The following ZIK1 variants were observed in gnomAD, a reference collection of about 807,000 sequenced individuals.
ZIK1 encodes the protein zinc finger protein interacting with ribonucleoprotein K.
A neutral mutation model predicts 10.7 loss-of-function variants in ZIK1; 12 were observed. That is an observed-to-expected ratio of 1.12 (90% CI 0.72 to 1.81). The LOEUF is 1.81. ZIK1 is among the 40% of genes most tolerant of loss of function. ZIK1 has a pLI of 0.00. For missense variants in ZIK1, 497 were observed against 585.7 expected (o/e 0.85, Z 1.56); for synonymous variants, 190 against 205.0 (o/e 0.93, Z 0.63).
At chr19:57,585,883 ATT>A (rs59607792) in intron 2 of ZIK1, among the ~76,000 whole-genome samples, 6 of 130,096 alleles carry the variant, frequency 4.6e-5, no homozygotes, top group Admixed American at 7.6e-5. Flanking sequence ...TGCCCAGCGA[ATT>A]TTTTTTTTTT....
rs1216411893 is a variant in ZIK1, at chr19:57,588,576, C to T, written c.110C>T (p.Ser37Leu). The change falls in exon 3 of 4, where the codon TCA becomes TTA. Residue 37 changes from serine (S) to leucine (L), a missense_variant. By Grantham distance (145) the Ser-to-Leu change is moderately radical. Coordinates refer to ENST00000597850, the MANE Select transcript of ZIK1 (RefSeq NM_001010879.4). ...TTTGAGGACATCGCCATTTACTTCT[C>T]ACAGGACGAGTGGGGACTTCTTGAT... ...VTFEDIAIYFSQDEWGLLDEA... is the reference protein window; with the variant it reads ...VTFEDIAIYFLQDEWGLLDEA... 4 of 1,579,154 alleles carry T rather than the reference C, an allele frequency of 2.5e-6. No homozygotes were observed. The African/African-American group carries it at 5.4e-5, about 21-fold the overall frequency.
At position 57,591,364 on chromosome 19, in the gene ZIK1, C is replaced by G. The variant is rs551544088; in HGVS notation, c.*89C>G. ...CTGAAAGTCCACACTTAAGTAGAGCCTTAGACCTACAGGGAAAGTGCTGTC... is the reference window on the plus strand; with the variant it reads ...CTGAAAGTCCACACTTAAGTAGAGCGTTAGACCTACAGGGAAAGTGCTGTC... On this transcript the variant is annotated 3_prime_UTR_variant, in exon 4 of 4. Transcript: ENST00000597850. The G allele has an allele frequency of 7.6e-7, 1 of 1,317,188 alleles. No homozygotes were observed. Among genetic ancestry groups the G allele is most frequent in the East Asian group, 2.4e-5 (1 of 42,376 alleles). 81.6% of individuals were successfully genotyped at this position (1,317,188 alleles called of 1,614,324 possible). A position where few individuals can be genotyped will look rare whatever the true frequency, so the allele number is the denominator to read the frequency against.
rs138510044 is a variant in ZIK1 at position 57,590,681 on chromosome 19, C to T, written c.870C>T (p.Thr290=). The T allele has an allele frequency of 3.1e-4, 505 of 1,613,870 alleles. 2 individuals carry two copies. In the East Asian group the frequency reaches 4.2e-3, roughly 13 times the overall value. Residue 290 remains threonine, a synonymous_variant, in exon 4 of 4, where the codon ACC becomes ACT. Coordinates refer to ENST00000597850, the MANE Select transcript of ZIK1 (RefSeq NM_001010879.4). Reference sequence around the variant, plus strand: ...TGAATGATCATCGGAGAATCCACACCGGAGAAAGGCCTTATGAGTGCAGCG... The same window carrying T: ...TGAATGATCATCGGAGAATCCACACTGGAGAAAGGCCTTATGAGTGCAGCG... ...SHLNDHRRIH[T]GERPYECSEC...
Position 57,590,174 on chromosome 19 carries a change from G to GAAACCATACTTGGTTGGAGAATGTAC in ZIK1, c.371_396dup (p.His133ThrfsTer22), listed in dbSNP as rs1979531169. 1 of 1,614,060 alleles carries GAAACCATACTTGGTTGGAGAATGTAC rather than the reference G, an allele frequency of 6.2e-7. No homozygotes were observed. Among genetic ancestry groups the GAAACCATACTTGGTTGGAGAATGTAC allele is most frequent in the South Asian group, 1.1e-5 (1 of 91,088 alleles). On this transcript the variant is annotated frameshift_variant, in exon 4 of 4. Transcript: ENST00000597850. LOFTEE classifies it low-confidence loss of function (END_TRUNC). Reference sequence around the variant, plus strand: ...TGCATCTAGCTGATCTCCCTGGGCAGAAACCATACTTGGTTGGAGAATGTA... The same window carrying GAAACCATACTTGGTTGGAGAATGTAC: ...TGCATCTAGCTGATCTCCCTGGGCAGAAACCATACTTGGTTGGAGAATGTACAAACCATACTTGGTTGGAGAATGTA...
At chr19:57,588,802 T>C in intron 3 of ZIK1, 137 bp downstream of exon 3, 1 of 973,604 alleles carries the variant, frequency 1.0e-6, no homozygotes, top group East Asian at 3.2e-5. Context: ...TGCCCAGTGG[T>C]CTGGGAACAC....
At position 57,593,003 on chromosome 19, in the gene ZIK1, A is replaced by C. The variant is rs1374737946; in HGVS notation, c.*1728A>C. The C allele has an allele frequency of 1.3e-5, 2 of 151,304 alleles. No homozygotes were observed. Among genetic ancestry groups the C allele is most frequent in the Non-Finnish European group, 2.9e-5 (2 of 67,918 alleles). The allele number at this position is 151,304 out of a possible 1,614,324, so 9.4% of individuals were successfully genotyped here. Reference sequence around the variant, plus strand: ...TTGTGTTTTCTAGGATTTTATGTGAATTGAAACGTAAAATACTTACTCCAT... The same window carrying C: ...TTGTGTTTTCTAGGATTTTATGTGACTTGAAACGTAAAATACTTACTCCAT... On this transcript the variant is annotated 3_prime_UTR_variant, in exon 4 of 4. Coordinates refer to ENST00000597850, the MANE Select transcript of ZIK1 (RefSeq NM_001010879.4).
chr19:57,587,326 T>A (rs146883531), intron 2 of ZIK1, among the ~76,000 whole-genome samples: 125 of 152,238 alleles, frequency 8.2e-4, no homozygotes, highest in African/African-American at 2.9e-3. Context: ...AAATAATTGG[T>A]AGAAGATGAC....
In ZIK1 at chr19:57,585,792, T is replaced by C. The variant is rs1394282957; in HGVS notation, c.72+802T>C. 2.6e-5 allele frequency among the ~76,000 whole-genome samples: 4 copies of C among 151,980 alleles called. No homozygotes were observed. The East Asian group carries it at 7.7e-4, about 29-fold the overall frequency. On this transcript the variant is annotated intron_variant, in intron 2 of 3. Transcript: ENST00000597850. Reference sequence around the variant, plus strand: ...GGCTCGATCTTGGCTCTTTGCAACCTCCACCTCCCGGGTTCAAGCAATCCT... The same window carrying C: ...GGCTCGATCTTGGCTCTTTGCAACCCCCACCTCCCGGGTTCAAGCAATCCT...
chr19:57,586,539 G>T (rs1242188137), intron 2 of ZIK1, among the ~76,000 whole-genome samples: 1 of 152,080 alleles, frequency 6.6e-6, no homozygotes, highest in Non-Finnish European at 1.5e-5. Flanking sequence ...CTCCAGCCTG[G>T]GTGACAGAGT....
rs1979690948 is a variant in ZIK1, at chr19:57,591,420, G to A, written c.*145G>A. On this transcript the variant is annotated 3_prime_UTR_variant, in exon 4 of 4. Transcript: ENST00000597850. ...AGTATTGTAGCAGTAGAGAGCCTTT[G>A]TGAGGGAGCCATCTGCCTGAAGTTG... The A allele has an allele frequency of 5.0e-6, 4 of 796,388 alleles. No individual in the cohort carries two copies. The highest frequency in any genetic ancestry group is 2.7e-5 in the East Asian group (1 of 37,370). The allele number at this position is 796,388 out of a possible 1,614,324, so 49.3% of individuals were successfully genotyped here. A position where few individuals can be genotyped will look rare whatever the true frequency, so the allele number is the denominator to read the frequency against.
At chr19:57,584,578 A>T (rs1978958915) in intron 1 of ZIK1, 189 bp downstream of exon 1, 1 of 1,405,404 alleles carries the variant, frequency 7.1e-7, no homozygotes, top group Admixed American at 3.1e-5. Context: ...ACTCTTGGAG[A>T]CACAGTGAAG....
Position 57,591,119 on chromosome 19 carries a change from G to T in ZIK1, c.1308G>T (p.Glu436Asp). 8 of 1,614,186 alleles carry T rather than the reference G, an allele frequency of 5.0e-6. No individual in the cohort carries two copies. The highest frequency in any genetic ancestry group is 4.5e-5 in the East Asian group (2 of 44,860). Residue 436 changes from glutamate to aspartate, a missense_variant, in exon 4 of 4, where the codon GAG (glutamate) becomes GAT (aspartate). By Grantham distance (45) the Glu-to-Asp change is conservative (BLOSUM62 2). Coordinates refer to ENST00000597850, the MANE Select transcript of ZIK1 (RefSeq NM_001010879.4). ...TTCATACTGGAGCAAGGCCTTATGA[G>T]TGTGGCCAGTGTGGAAAGTCCTTTA... ...RRIHTGARPY[E>D]CGQCGKSFSQ...
At chr19:57,588,434 A>G in intron 2 of ZIK1, 105 bp from the exon 3 acceptor site, 1 of 1,255,518 alleles carries the variant, frequency 8.0e-7, no homozygotes, top group Non-Finnish European at 1.0e-6. Flanking sequence ...GAGAGTGGGC[A>G]TCTGTGTCAC....
At chr19:57,588,281 A>G (rs1400859783) in intron 2 of ZIK1, among the ~76,000 whole-genome samples, 1 of 152,146 alleles carries the variant, frequency 6.6e-6, no homozygotes, top group African/African-American at 2.4e-5. Flanking sequence ...TCTAGGAGGC[A>G]CTATCTGAAA....
chr19:57,590,521 AGCTT>A lies in ZIK1; in HGVS notation c.711_714del (p.Lys237AsnfsTer45). ...CATCCAAGAGTCTACACTGGAAAAA[AGCTT>A]TATGAGTGTAGCAAATGTGGGAAAG... is the stretch of plus-strand genomic sequence containing the variant. On this transcript the variant is annotated frameshift_variant, in exon 4 of 4. Transcript: ENST00000597850. LOFTEE classifies it low-confidence loss of function (END_TRUNC). 1 of 1,614,176 alleles carries A rather than the reference AGCTT, an allele frequency of 6.2e-7. No individual in the cohort carries two copies. The highest frequency in any genetic ancestry group is 1.3e-5 in the African/African-American group (1 of 75,036).
At chr19:57,586,012 C>T (rs571696802) in intron 2 of ZIK1, among the ~76,000 whole-genome samples, 5 of 150,906 alleles carry the variant, frequency 3.3e-5, no homozygotes, top group East Asian at 2.0e-4. Flanking sequence ...GGATTACAGG[C>T]GTGAGCCACC....
At position 57,590,241 on chromosome 19, in the gene ZIK1, T is replaced by G. The variant is rs1166978930; in HGVS notation, c.430T>G (p.Ser144Ala). 6.2e-7 allele frequency: 1 copy of G among 1,614,188 alleles called. No homozygotes were observed. The highest frequency in any genetic ancestry group is 8.5e-7 in the Non-Finnish European group (1 of 1,180,036). ...CCAGAAGCATCACAGTGCAAAGAAA[T>G]CCTTGAAGAGGGACATGGACAGAGC... is the stretch of plus-strand genomic sequence containing the variant. ...QHQKHHSAKK[S>A]LKRDMDRASY... Residue 144 changes from serine to alanine, a missense_variant, in exon 4 of 4, where the codon TCC becomes GCC. Physicochemically the swap from Ser to Ala is moderately conservative, Grantham distance 99 (BLOSUM62 1). Coordinates refer to ENST00000597850, the MANE Select transcript of ZIK1 (RefSeq NM_001010879.4).
In ZIK1 at chr19:57,588,770, C is replaced by T. The variant is rs1979395305; in HGVS notation, c.199+105C>T. ...CTATGGGATCCAGCACTGTGCACTG[C>T]CTGAGTAGCCCTAACACCTGCTGCC... On this transcript the variant is annotated intron_variant, in intron 3 of 3. Coordinates refer to ENST00000597850, the MANE Select transcript of ZIK1 (RefSeq NM_001010879.4). 3 of 1,224,818 alleles carry T rather than the reference C, an allele frequency of 2.4e-6. No homozygotes were observed. The Admixed American group carries it at 9.3e-5, about 38-fold the overall frequency. The allele number at this position is 1,224,818 out of a possible 1,614,324, so 75.9% of individuals were successfully genotyped here.
Position 57,590,796 on chromosome 19 carries a change from G to C in ZIK1, c.985G>C (p.Gly329Arg). Reference protein sequence around the residue: ...GARPYECSQCGKSFSQKATLV... With the variant: ...GARPYECSQCRKSFSQKATLV... ...AAGGCCTTATGAGTGTAGCCAGTGTGGGAAATCCTTTAGCCAAAAAGCCAC... is the reference window on the plus strand; with the variant it reads ...AAGGCCTTATGAGTGTAGCCAGTGTCGGAAATCCTTTAGCCAAAAAGCCAC... The change falls in exon 4 of 4, where the codon GGG becomes CGG. Residue 329 changes from glycine (G) to arginine (R), a missense_variant. Gly to Arg is a moderately radical substitution (Grantham distance 125). Transcript: ENST00000597850. The C allele has an allele frequency of 2.5e-6, 4 of 1,614,186 alleles. No homozygotes were observed. Among genetic ancestry groups the C allele is most frequent in the Admixed American group, 1.7e-5 (1 of 60,026 alleles).
Sources: gnomAD v4.1 joint callset for allele counts (sites outside exome capture counted in the v4.1 genomes callset) on GRCh38, gnomAD v4.1.1 for gene constraint, MANE v1.5 for transcripts, NCBI Gene and HGNC (gene_info 2026-07-23, HGNC 2026-07-21) for gene names.